Variants in KCNIP3 observed in about 807,000 individuals in gnomAD.
KCNIP3 encodes the protein potassium voltage-gated channel interacting protein 3.
KCNIP3 carries 28 observed loss-of-function variants against 35.0 expected under a neutral mutation model. That is an observed-to-expected ratio of 0.80 (90% CI 0.59 to 1.10). The LOEUF (loss-of-function observed/expected upper bound fraction) is 1.10. Ranked by LOEUF, KCNIP3 falls within the 50% of genes least tolerant of loss-of-function variation. The pLI is 0.00. For synonymous variants in KCNIP3, 134 were observed against 133.8 expected (o/e 1.00, Z -0.01); for missense variants, 295 against 338.4 (o/e 0.87, Z 1.01).
chr2:95,325,641 G>A (rs556909633), intron 2 of KCNIP3, among the ~76,000 whole-genome samples: 58 of 141,080 alleles, frequency 4.1e-4, no homozygotes, highest in East Asian at 1.1e-3. Flanking sequence ...ACACACACAC[G>A]CATACACACA....
intron 2 of KCNIP3, among the ~76,000 whole-genome samples, chr2:95,358,952 G>A (rs1679723766): frequency 6.6e-6 from 1 of 152,122 alleles, no homozygotes; most frequent in Non-Finnish European, 1.5e-5. Context: ...GGGCAACACA[G>A]TCAGACCCCC....
At chr2:95,383,124 TCCACCCACCCGCCC>T in intron 7 of KCNIP3, 94 bp from the exon 8 acceptor site, 1 of 289,106 alleles carries the variant, frequency 3.5e-6, no homozygotes, top group Non-Finnish European at 6.9e-6. Context: ...CACCCGCCCA[TCCACCCACCCGCCC>T]ATCCACCCAC....
chr2:95,340,183 CA>C (rs997034634), intron 2 of KCNIP3, among the ~76,000 whole-genome samples: 18 of 152,186 alleles, frequency 1.2e-4, no homozygotes, highest in Middle Eastern at 3.4e-3. Context: ...ACTAAAAATA[CA>C]AAATTAGCCA....
chr2:95,311,767 A>T (rs1223676250), intron 2 of KCNIP3: 1 of 152,280 alleles, frequency 6.6e-6, no homozygotes, highest in Non-Finnish European at 1.5e-5. Context: ...CCCATCTGTG[A>T]TGCTGTCACC....
intron 5 of KCNIP3, among the ~76,000 whole-genome samples, chr2:95,375,411 C>T (rs920146192): frequency 7.9e-5 from 12 of 152,028 alleles, no homozygotes; most frequent in African/African-American, 2.7e-4. Context: ...GCCGGCACCA[C>T]GTTCTCAGCC....
intron 2 of KCNIP3, among the ~76,000 whole-genome samples, chr2:95,339,063 T>C (rs1679130320): frequency 6.6e-6 from 1 of 152,218 alleles, no homozygotes; most frequent in Non-Finnish European, 1.5e-5. Context: ...GCTCTTTACT[T>C]GCTATCTTGA....
chr2:95,379,348 G>A (rs1680281086), intron 5 of KCNIP3, among the ~76,000 whole-genome samples: 1 of 152,156 alleles, frequency 6.6e-6, no homozygotes, highest in Non-Finnish European at 1.5e-5. Flanking sequence ...TGTGTTCTGT[G>A]ACCTCATTAT....
intron 2 of KCNIP3, among the ~76,000 whole-genome samples, chr2:95,341,930 G>A (rs1336602053): frequency 1.3e-5 from 2 of 152,234 alleles, no homozygotes; most frequent in Non-Finnish European, 2.9e-5. Flanking sequence ...TGCAGTAACT[G>A]CAAGGAGGGA....
chr2:95,323,516 G>T (rs1401703746), intron 2 of KCNIP3, among the ~76,000 whole-genome samples: 1 of 151,854 alleles, frequency 6.6e-6, no homozygotes, highest in African/African-American at 2.4e-5. Flanking sequence ...CCTCCCTGCG[G>T]GTGCAGGAGT....
chr2:95,367,321 C>A (rs1454408492), intron 2 of KCNIP3, among the ~76,000 whole-genome samples: 1 of 151,998 alleles, frequency 6.6e-6, no homozygotes, highest in Non-Finnish European at 1.5e-5. Context: ...TATCTTTATT[C>A]TTCTTTCACA....
chr2:95,381,418 C>T (rs1484232601), intron 5 of KCNIP3, among the ~76,000 whole-genome samples, 178 bp from the exon 6 acceptor site: 1 of 152,230 alleles, frequency 6.6e-6, no homozygotes, highest in African/African-American at 2.4e-5. Context: ...CACACCCGTG[C>T]ATGCGCTCAC....
At chr2:95,373,399 G>A (rs1265932854) in intron 2 of KCNIP3, among the ~76,000 whole-genome samples, 1 of 145,204 alleles carries the variant, frequency 6.9e-6, no homozygotes, top group Non-Finnish European at 1.5e-5. Flanking sequence ...GCCATGGTTA[G>A]TTAACAAGTT....
intron 2 of KCNIP3, among the ~76,000 whole-genome samples, chr2:95,333,677 G>T (rs1238458568): frequency 6.6e-6 from 1 of 152,208 alleles, no homozygotes; most frequent in Admixed American, 6.5e-5. Flanking sequence ...GTCAGTGAGT[G>T]CCTAGGACAG....
At chr2:95,311,824 C>T (rs1471128919) in intron 2 of KCNIP3, 1 of 152,290 alleles carries the variant, frequency 6.6e-6, no homozygotes, top group Non-Finnish European at 1.5e-5. Flanking sequence ...GCGCTAGCAC[C>T]TGTGAATGCA....
Position 95,307,658 on chromosome 2 carries a change from C to A in KCNIP3, c.16-2697C>A, listed in dbSNP as rs544896637. On this transcript the variant is annotated intron_variant, in intron 1 of 8. Coordinates refer to ENST00000295225, the MANE Select transcript of KCNIP3 (RefSeq NM_013434.5). ...GACACCCATGGGATCTCCCGCACGA[C>A]CTGGGCCTGGGGCTTCAAGACAGAA... Among the ~76,000 whole-genome samples, 94 of 152,342 alleles carry A rather than the reference C, an allele frequency of 6.2e-4. 1 individual carries two copies. The highest frequency in any genetic ancestry group is 1.2e-3 in the Non-Finnish European group (85 of 68,032).
At chr2:95,330,247 G>T (rs1678893242) in intron 2 of KCNIP3, among the ~76,000 whole-genome samples, 1 of 152,188 alleles carries the variant, frequency 6.6e-6, no homozygotes, top group South Asian at 2.1e-4. Context: ...GATTCTGAAT[G>T]GGTCCCTGGA....
In KCNIP3 at chr2:95,361,819, C is replaced by T. The variant is rs182681305; in HGVS notation, c.182-12477C>T. On this transcript the variant is annotated intron_variant, in intron 2 of 8. Coordinates refer to ENST00000295225, the MANE Select transcript of KCNIP3 (RefSeq NM_013434.5). ...GGCTGGGTACGGCAGCGAGGAGACC[C>T]GAATCCCTGCTGCGGTCACCCTGTA... is the stretch of plus-strand genomic sequence containing the variant. 2.7e-3 allele frequency among the ~76,000 whole-genome samples: 409 copies of T among 152,310 alleles called. 4 individuals are homozygous for T. The highest frequency in any genetic ancestry group is 9.4e-3 in the African/African-American group (391 of 41,570).
chr2:95,335,953 G>C lies in KCNIP3; in HGVS notation c.181+25433G>C, dbSNP rs189752350. Among the ~76,000 whole-genome samples, 775 of 152,112 alleles carry C rather than the reference G, an allele frequency of 5.1e-3. 3 individuals carry two copies. Among genetic ancestry groups the C allele is most frequent in the Non-Finnish European group, 8.4e-3 (570 of 67,992 alleles). On this transcript the variant is annotated intron_variant, in intron 2 of 8. Transcript: ENST00000295225. ...GATTTACACTGCCATTTTGCTACTT[G>C]TTTTCTATTTGTCACATGCCTTTTT...
chr2:95,350,164 G>A (rs191404398), intron 2 of KCNIP3, among the ~76,000 whole-genome samples: 51 of 152,262 alleles, frequency 3.3e-4, no homozygotes, highest in Middle Eastern at 3.4e-3. Flanking sequence ...GGTGGGCCCC[G>A]GCAGGCAGCA....
Sources: allele counts gnomAD v4.1 joint callset (sites outside exome capture counted in the v4.1 genomes callset), GRCh38; gene constraint gnomAD v4.1.1; transcripts MANE v1.5; gene names NCBI Gene and HGNC (gene_info 2026-07-23, HGNC 2026-07-21).